OR2A5: variants seen among roughly 807,000 people sequenced by gnomAD.
The protein encoded by OR2A5 is olfactory receptor 2A5.
A neutral mutation model predicts 1.9 loss-of-function variants in OR2A5; 2 were observed. The ratio of observed to expected loss-of-function variants is 1.04; its 90% CI spans 0.43 to 3.28. The LOEUF (loss-of-function observed/expected upper bound fraction) is 3.28. Ranked by LOEUF, OR2A5 falls within the 30% of genes most tolerant of loss-of-function variation. The pLI is 0.08. For synonymous variants in OR2A5, 160 were observed against 154.5 expected (o/e 1.04, Z -0.26); for missense variants, 391 against 375.9 (o/e 1.04, Z -0.33).
rs537839741 is a variant in OR2A5 at position 144,052,269 on chromosome 7, G to A, written c.*932G>A. ...AAAATTCCAAAGAGAAGCTATTCCAGGTGACATAAATCACTTTTCCTGGAC... is the reference window on the plus strand; with the variant it reads ...AAAATTCCAAAGAGAAGCTATTCCAAGTGACATAAATCACTTTTCCTGGAC... On this transcript the variant is annotated 3_prime_UTR_variant, in exon 2 of 2. Transcript: ENST00000641693. 1 of 152,146 alleles carries A rather than the reference G, an allele frequency of 6.6e-6. No individual in the cohort carries two copies. Among genetic ancestry groups the A allele is most frequent in the Non-Finnish European group, 1.5e-5 (1 of 68,030 alleles). 9.4% of individuals were successfully genotyped at this position (152,146 alleles called of 1,614,324 possible).
rs1348002276 is a variant in OR2A5 at position 144,058,493 on chromosome 7, T to G, written c.*7156T>G. 6.6e-6 allele frequency: 1 copy of G among 152,350 alleles called. No homozygotes were observed. Among genetic ancestry groups the G allele is most frequent in the African/African-American group, 2.4e-5 (1 of 41,446 alleles). The allele number at this position is 152,350 out of a possible 1,614,324, so 9.4% of individuals were successfully genotyped here. A position where few individuals can be genotyped will look rare whatever the true frequency, so the allele number is the denominator to read the frequency against. On this transcript the variant is annotated 3_prime_UTR_variant, in exon 2 of 2. Transcript: ENST00000641693. ...GGTTTAGTTGACTCACAGTTCAGCA[T>G]GGCTGAGGAGGCCTCAGGAAACTTA...
In OR2A5 at chr7:144,053,625, C is replaced by G. The variant is rs1247299641; in HGVS notation, c.*2288C>G. ...TGTTATGGATCGTACTGATTGCAAA[C>G]CCAAGCTGCTTCTTAGCAGCTTTCT... On this transcript the variant is annotated 3_prime_UTR_variant, in exon 2 of 2. Transcript: ENST00000641693. 6.6e-6 allele frequency: 1 copy of G among 151,908 alleles called. No individual in the cohort carries two copies. Among genetic ancestry groups the G allele is most frequent in the Non-Finnish European group, 1.5e-5 (1 of 67,982 alleles). The allele number at this position is 151,908 out of a possible 1,614,324, so 9.4% of individuals were successfully genotyped here.
In OR2A5 at chr7:144,051,554, T is replaced by C; in HGVS notation, c.*217T>C. 1 of 512,420 alleles carries C rather than the reference T, an allele frequency of 2.0e-6. No individual in the cohort carries two copies. The highest frequency in any genetic ancestry group is 3.4e-6 in the Non-Finnish European group (1 of 292,222). The allele number at this position is 512,420 out of a possible 1,614,324, so 31.7% of individuals were successfully genotyped here. On this transcript the variant is annotated 3_prime_UTR_variant, in exon 2 of 2. Transcript: ENST00000641693. ...GGTGCAGCAGAGGTGCAAAGTGCCA[T>C]GAACTCCTACTCCCAGGTCCCACCC...
rs569671087 is a variant in OR2A5 at position 144,056,122 on chromosome 7, A to G, written c.*4785A>G. On this transcript the variant is annotated 3_prime_UTR_variant, in exon 2 of 2. Transcript: ENST00000641693. ...GGAGATAGCTTTGCTCTTAGGAACT[A>G]AATATATTAAAGTTCTTCATGCAAT... 6.6e-6 allele frequency: 1 copy of G among 152,322 alleles called. No homozygotes were observed. The highest frequency in any genetic ancestry group is 2.1e-4 in the South Asian group (1 of 4,824). 9.4% of individuals were successfully genotyped at this position (152,322 alleles called of 1,614,324 possible). A position where few individuals can be genotyped will look rare whatever the true frequency, so the allele number is the denominator to read the frequency against.
rs766798197 is a variant in OR2A5, at chr7:144,051,086, C to T, written c.685C>T (p.Gln229Ter). 1 of 1,614,184 alleles carries T rather than the reference C, an allele frequency of 6.2e-7. No individual in the cohort carries two copies. The highest frequency in any genetic ancestry group is 8.5e-7 in the Non-Finnish European group (1 of 1,180,042). The change falls in exon 2 of 2, where the codon CAG becomes TAG. Residue 229 changes from glutamine (Q) to a stop codon, truncating the protein, a stop_gained. Transcript: ENST00000641693. LOFTEE classifies it high-confidence loss of function. ...SRILAAILRI[Q>*]SGEGRRKAFS... The stretch of plus-strand genomic sequence containing the variant: ...CATCCTGGCGGCCATCTTGAGGATC[C>T]AGTCTGGGGAGGGCCGCAGAAAGGC...
chr7:144,054,491 T>C lies in OR2A5; in HGVS notation c.*3154T>C, dbSNP rs547110212. On this transcript the variant is annotated 3_prime_UTR_variant, in exon 2 of 2. Transcript: ENST00000641693. Reference sequence around the variant, plus strand: ...CAATTTTATTTTAATGATTCATAAATTATTATGATACTTACTGAACAATGG... The same window carrying C: ...CAATTTTATTTTAATGATTCATAAACTATTATGATACTTACTGAACAATGG... The C allele has an allele frequency of 2.0e-5, 3 of 152,350 alleles. No individual in the cohort carries two copies. The highest frequency in any genetic ancestry group is 7.2e-5 in the African/African-American group (3 of 41,590). The allele number at this position is 152,350 out of a possible 1,614,324, so 9.4% of individuals were successfully genotyped here.
chr7:144,051,416 A>G lies in OR2A5; in HGVS notation c.*79A>G. ...AGGAACAGTGGTGTAAATGCCTTACAGTCTCATCTCTTAGATTTCTGATAT... is the reference window on the plus strand; with the variant it reads ...AGGAACAGTGGTGTAAATGCCTTACGGTCTCATCTCTTAGATTTCTGATAT... On this transcript the variant is annotated 3_prime_UTR_variant, in exon 2 of 2. Coordinates refer to ENST00000641693, the MANE Select transcript of OR2A5 (RefSeq NM_012365.2). 2 of 1,085,594 alleles carry G rather than the reference A, an allele frequency of 1.8e-6. No individual in the cohort carries two copies. Among genetic ancestry groups the G allele is most frequent in the Non-Finnish European group, 2.7e-6 (2 of 746,298 alleles). The allele number at this position is 1,085,594 out of a possible 1,614,324, so 67.2% of individuals were successfully genotyped here.
At position 144,051,482 on chromosome 7, in the gene OR2A5, G is replaced by A; in HGVS notation, c.*145G>A. On this transcript the variant is annotated 3_prime_UTR_variant, in exon 2 of 2. Coordinates refer to ENST00000641693, the MANE Select transcript of OR2A5 (RefSeq NM_012365.2). ...ATTGGATTCTATCCCTAAACGTGGA[G>A]TACCATGCAGATCACAAAGCACATG... 1 of 690,614 alleles carries A rather than the reference G, an allele frequency of 1.4e-6. No homozygotes were observed. 42.8% of individuals were successfully genotyped at this position (690,614 alleles called of 1,614,324 possible). A position where few individuals can be genotyped will look rare whatever the true frequency, so the allele number is the denominator to read the frequency against.
chr7:144,049,651 A>G (rs55999989), intron 1 of OR2A5, among the ~76,000 whole-genome samples: 36,991 of 152,180 alleles, frequency 0.24, 5,519 homozygotes, highest in East Asian at 0.66. Flanking sequence ...CTCTTCACAT[A>G]GATAACCACT....
rs546146455 is a variant in OR2A5, at chr7:144,054,327, A to G, written c.*2990A>G. ...ATATAACTTTTATGAATGCTAAATG[A>G]AAGACTTTATGTGACTCTGATTTGA... On this transcript the variant is annotated 3_prime_UTR_variant, in exon 2 of 2. Transcript: ENST00000641693. The G allele has an allele frequency of 1.1e-4, 17 of 152,320 alleles. No individual in the cohort carries two copies. Among genetic ancestry groups the G allele is most frequent in the African/African-American group, 4.1e-4 (17 of 41,566 alleles). The allele number at this position is 152,320 out of a possible 1,614,324, so 9.4% of individuals were successfully genotyped here. A position where few individuals can be genotyped will look rare whatever the true frequency, so the allele number is the denominator to read the frequency against.
At position 144,051,323 on chromosome 7, in the gene OR2A5, C is replaced by A; in HGVS notation, c.922C>A (p.Gln308Lys). The change falls in exon 2 of 2, where the codon CAG becomes AAG. Residue 308 changes from glutamine to lysine, a missense_variant. Transcript: ENST00000641693. ...TGCCCTGAAAAGAGTGTTGTGGAAACAGAGATCAAAGTGAGGGATGCCAGG... is the reference window on the plus strand; with the variant it reads ...TGCCCTGAAAAGAGTGTTGTGGAAAAAGAGATCAAAGTGAGGGATGCCAGG... ...KGALKRVLWKQRSK is the reference protein window; with the variant it reads ...KGALKRVLWKKRSK 6.2e-7 allele frequency: 1 copy of A among 1,605,338 alleles called. No individual in the cohort carries two copies. The highest frequency in any genetic ancestry group is 8.5e-7 in the Non-Finnish European group (1 of 1,175,514).
At chr7:144,049,402 G>T (rs1013270434) in intron 1 of OR2A5, among the ~76,000 whole-genome samples, 1 of 152,210 alleles carries the variant, frequency 6.6e-6, no homozygotes, top group African/African-American at 2.4e-5. Context: ...ATGTGGTTGG[G>T]GGAATGACAA....
rs779172300 is a variant in OR2A5 at position 144,055,160 on chromosome 7, C to A, written c.*3823C>A. 9 of 151,952 alleles carry A rather than the reference C, an allele frequency of 5.9e-5. No homozygotes were observed. The highest frequency in any genetic ancestry group is 1.3e-4 in the Non-Finnish European group (9 of 67,986). The allele number at this position is 151,952 out of a possible 1,614,324, so 9.4% of individuals were successfully genotyped here. ...GTCCCATCGAGAATCTTGCAGGAGGCAAACATAGTTGTTTATTGCCTTCCA... is the reference window on the plus strand; with the variant it reads ...GTCCCATCGAGAATCTTGCAGGAGGAAAACATAGTTGTTTATTGCCTTCCA... On this transcript the variant is annotated 3_prime_UTR_variant, in exon 2 of 2. Transcript: ENST00000641693.
rs2050926758 is a variant in OR2A5 at position 144,054,664 on chromosome 7, G to T, written c.*3327G>T. On this transcript the variant is annotated 3_prime_UTR_variant, in exon 2 of 2. Transcript: ENST00000641693. ...GGTTGGGTATGAAATGGTGTTCATT[G>T]TTCCTGCTAGTAGACAAAACTGTAA... 1 of 152,188 alleles carries T rather than the reference G, an allele frequency of 6.6e-6. No homozygotes were observed. The highest frequency in any genetic ancestry group is 1.5e-5 in the Non-Finnish European group (1 of 68,034). 9.4% of individuals were successfully genotyped at this position (152,188 alleles called of 1,614,324 possible). A position where few individuals can be genotyped will look rare whatever the true frequency, so the allele number is the denominator to read the frequency against.
chr7:144,050,256 C>A, intron 1 of OR2A5, 95 bp from the exon 2 acceptor site: 1 of 550,556 alleles, frequency 1.8e-6, no homozygotes, highest in Non-Finnish European at 3.2e-6. Flanking sequence ...CATAATGGCT[C>A]CGAAAAACCT....
rs1479567272 is a variant in OR2A5 at position 144,058,301 on chromosome 7, T to C, written c.*6964T>C. 1 of 152,258 alleles carries C rather than the reference T, an allele frequency of 6.6e-6. No homozygotes were observed. The highest frequency in any genetic ancestry group is 2.4e-5 in the African/African-American group (1 of 41,468). 9.4% of individuals were successfully genotyped at this position (152,258 alleles called of 1,614,324 possible). On this transcript the variant is annotated 3_prime_UTR_variant, in exon 2 of 2. Coordinates refer to ENST00000641693, the MANE Select transcript of OR2A5 (RefSeq NM_012365.2). The stretch of plus-strand genomic sequence containing the variant: ...ATCTCTAGTTTCATCCATCTTGTTG[T>C]AAAATACATAATTTCATAGTTTTTT...
At position 144,054,764 on chromosome 7, in the gene OR2A5, T is replaced by C. The variant is rs2050927693; in HGVS notation, c.*3427T>C. 6.6e-6 allele frequency: 1 copy of C among 152,246 alleles called. No homozygotes were observed. The highest frequency in any genetic ancestry group is 1.5e-5 in the Non-Finnish European group (1 of 68,042). The allele number at this position is 152,246 out of a possible 1,614,324, so 9.4% of individuals were successfully genotyped here. A position where few individuals can be genotyped will look rare whatever the true frequency, so the allele number is the denominator to read the frequency against. ...AAGGATTCTTGAGATAGCATCCAGA[T>C]AGGAAATATATACAAAAATAATTAG... On this transcript the variant is annotated 3_prime_UTR_variant, in exon 2 of 2. Coordinates refer to ENST00000641693, the MANE Select transcript of OR2A5 (RefSeq NM_012365.2).
rs911038974 is a variant in OR2A5, at chr7:144,057,956, T to A, written c.*6619T>A. 2 of 152,270 alleles carry A rather than the reference T, an allele frequency of 1.3e-5. No homozygotes were observed. The highest frequency in any genetic ancestry group is 4.8e-5 in the African/African-American group (2 of 41,474). 9.4% of individuals were successfully genotyped at this position (152,270 alleles called of 1,614,324 possible). ...TGACTAGAAAGGTGAAAATGCTGAA[T>A]AATTGTAGATTGCATTAGAAAAATT... On this transcript the variant is annotated 3_prime_UTR_variant, in exon 2 of 2. Coordinates refer to ENST00000641693, the MANE Select transcript of OR2A5 (RefSeq NM_012365.2).
rs2050924261 is a variant in OR2A5, at chr7:144,054,239, C to T, written c.*2902C>T. On this transcript the variant is annotated 3_prime_UTR_variant, in exon 2 of 2. Coordinates refer to ENST00000641693, the MANE Select transcript of OR2A5 (RefSeq NM_012365.2). Reference sequence around the variant, plus strand: ...GGTCTGCTTCTAGGAATAATATAGCCTCCTCAATCCTGAGTTTTATTTTAG... The same window carrying T: ...GGTCTGCTTCTAGGAATAATATAGCTTCCTCAATCCTGAGTTTTATTTTAG... 1 of 152,154 alleles carries T rather than the reference C, an allele frequency of 6.6e-6. No individual in the cohort carries two copies. The highest frequency in any genetic ancestry group is 1.5e-5 in the Non-Finnish European group (1 of 68,034). The allele number at this position is 152,154 out of a possible 1,614,324, so 9.4% of individuals were successfully genotyped here. A position where few individuals can be genotyped will look rare whatever the true frequency, so the allele number is the denominator to read the frequency against.
Sources: gnomAD v4.1 joint callset for allele counts (sites outside exome capture counted in the v4.1 genomes callset) on GRCh38, gnomAD v4.1.1 for gene constraint, MANE v1.5 for transcripts, NCBI Gene and HGNC (gene_info 2026-07-23, HGNC 2026-07-21) for gene names.